The following ODAD1 variants were observed in gnomAD, a reference collection of about 807,000 sequenced individuals.
The protein encoded by ODAD1 is outer dynein arm docking complex subunit 1, also known as outer dynein arm-docking complex subunit 1.
Under a neutral mutation model 67.2 loss-of-function variants are expected in ODAD1, and 49 were observed. The observed-to-expected ratio is 0.73, with a 90% confidence interval of 0.58 to 0.92. The LOEUF is 0.92. ODAD1 is among the 40% of genes least tolerant of loss of function. The probability of loss-of-function intolerance (pLI) is 0.00; values close to 1 mark genes in which losing one functional copy is unlikely to be tolerated. For missense variants in ODAD1, 897 were observed against 953.7 expected (o/e 0.94, Z 0.78); for synonymous variants, 345 against 393.7 (o/e 0.88, Z 1.46).
intron 8 of ODAD1, among the ~76,000 whole-genome samples, chr19:48,305,408 T>TC (rs34001320): frequency 0.038 from 5,810 of 151,914 alleles, 245 homozygotes; most frequent in East Asian, 0.19. Context: ...TGCGCTTTTT[T>TC]TTTTTTTTTC....
Position 48,296,810 on chromosome 19 carries a change from T to G in ODAD1, c.*166A>C. ...AGAGAAAGGAACCGGGAGACACAGGTGAGGCGGTGATGAAGGGCAGATGAA... is the reference window on the plus strand; with the variant it reads ...AGAGAAAGGAACCGGGAGACACAGGGGAGGCGGTGATGAAGGGCAGATGAA... On this transcript the variant is annotated 3_prime_UTR_variant, in exon 16 of 16. Transcript: ENST00000674294. 4 of 1,418,854 alleles carry G rather than the reference T, an allele frequency of 2.8e-6. No homozygotes were observed. The highest frequency in any genetic ancestry group is 2.7e-6 in the Non-Finnish European group (3 of 1,092,858). The allele number at this position is 1,418,854 out of a possible 1,614,324, so 87.9% of individuals were successfully genotyped here. A position where few individuals can be genotyped will look rare whatever the true frequency, so the allele number is the denominator to read the frequency against.
At chr19:48,309,871 G>A (rs1454340213) in intron 7 of ODAD1, among the ~76,000 whole-genome samples, 1 of 152,168 alleles carries the variant, frequency 6.6e-6, no homozygotes, top group Non-Finnish European at 1.5e-5. Flanking sequence ...ATCTTGCACA[G>A]GAAGGACACA....
At chr19:48,321,433 G>A (rs1435938822) in intron 1 of ODAD1, 5 of 178,138 alleles carry the variant, frequency 2.8e-5, no homozygotes, top group Non-Finnish European at 5.9e-5. Flanking sequence ...GAACTTCGAG[G>A]GGCGGGGCTT....
chr19:48,318,854 C>A, intron 3 of ODAD1, 42 bp from the exon 4 acceptor site: 1 of 1,275,432 alleles, frequency 7.8e-7, no homozygotes, highest in Non-Finnish European at 1.1e-6. Flanking sequence ...GGGATCCTGG[C>A]CACCAGCTCC....
chr19:48,318,579 A>G lies in ODAD1; in HGVS notation c.171-3T>C. 1.3e-6 allele frequency: 2 copies of G among 1,549,690 alleles called. No individual in the cohort carries two copies. Among genetic ancestry groups the G allele is most frequent in the Non-Finnish European group, 1.7e-6 (2 of 1,145,794 alleles). On this transcript the variant is annotated splice_polypyrimidine_tract_variant and splice_region_variant and intron_variant, in intron 4 of 15. Coordinates refer to ENST00000674294, the MANE Select transcript of ODAD1 (RefSeq NM_001364171.2). ...CCTCCAAGCGCCGGATCTCCTCACT[A>G]CCCAGGCAGGGAGGTGGAAGAGGGG...
In ODAD1 at chr19:48,318,497, G is replaced by C; in HGVS notation, c.250C>G (p.Leu84Val). 1 of 1,551,634 alleles carries C rather than the reference G, an allele frequency of 6.4e-7. No homozygotes were observed. Among genetic ancestry groups the C allele is most frequent in the South Asian group, 1.2e-5 (1 of 84,060 alleles). The change falls in exon 5 of 16, where the codon CTT (leucine) becomes GTT (valine). Residue 84 changes from leucine to valine, a missense_variant. Transcript: ENST00000674294. ...TTCTCCAGCCGCTGACTGTCCCGAA[G>C]CCGCTTGACCTGGTTCTGGGCTGCG... is the stretch of plus-strand genomic sequence containing the variant. The part of the protein sequence containing the change: ...ISAAQNQVKR[L>V]RDSQRLENMD...
intron 5 of ODAD1, among the ~76,000 whole-genome samples, chr19:48,315,885 A>G (rs1278063928): frequency 6.6e-6 from 1 of 152,198 alleles, no homozygotes; most frequent in Non-Finnish European, 1.5e-5. Flanking sequence ...TTCCATGTAT[A>G]GACCACAATT....
At chr19:48,315,724 C>A (rs1483522418) in intron 5 of ODAD1, among the ~76,000 whole-genome samples, 1 of 152,014 alleles carries the variant, frequency 6.6e-6, no homozygotes, top group Middle Eastern at 3.2e-3. Context: ...GTTTGATTTT[C>A]TAGAATTTTA....
rs1163856232 is a variant in ODAD1 at position 48,302,703 on chromosome 19, G to A, written c.1231C>T (p.Leu411Phe). ...GCCCATGGGTGCTCACCAGCCTTGA[G>A]CTTCTCCAGCTGTCCCCGCACATCC... ...FQDVRGQLEK[L>F]KADIQLLFTK... The change falls in exon 12 of 16, where the codon CTC (leucine) becomes TTC (phenylalanine). Residue 411 changes from leucine to phenylalanine, a missense_variant. By Grantham distance (22) the Leu-to-Phe change is conservative. Coordinates refer to ENST00000674294, the MANE Select transcript of ODAD1 (RefSeq NM_001364171.2). 2.5e-6 allele frequency: 4 copies of A among 1,610,216 alleles called. No individual in the cohort carries two copies. Among genetic ancestry groups the A allele is most frequent in the South Asian group, 1.1e-5 (1 of 91,068 alleles).
Position 48,304,077 on chromosome 19 carries a change from G to C in ODAD1, c.729C>G (p.Ser243Arg). Residue 243 changes from serine (S) to arginine (R), a missense_variant, in exon 9 of 16, where the codon AGC (serine) becomes AGG (arginine). Coordinates refer to ENST00000674294, the MANE Select transcript of ODAD1 (RefSeq NM_001364171.2). The part of the protein sequence containing the change: ...RERAEKEEAQ[S>R]EMEAQVLQRQ... ...GCTGCAGGACCTGCGCCTCCATCTC[G>C]CTCTGGGCCTCCTCTTTCTCCGCGC... 1 of 1,614,066 alleles carries C rather than the reference G, an allele frequency of 6.2e-7. No homozygotes were observed. Among genetic ancestry groups the C allele is most frequent in the Non-Finnish European group, 8.5e-7 (1 of 1,179,972 alleles).
At chr19:48,305,392 G>A (rs1167685047) in intron 8 of ODAD1, among the ~76,000 whole-genome samples, 1 of 151,054 alleles carries the variant, frequency 6.6e-6, no homozygotes, top group African/African-American at 2.4e-5. Flanking sequence ...CTATATATGT[G>A]CTAGATGCGC....
chr19:48,317,174 C>T (rs1968921906), intron 5 of ODAD1, among the ~76,000 whole-genome samples: 1 of 151,564 alleles, frequency 6.6e-6, no homozygotes, highest in Admixed American at 6.6e-5. Context: ...GAAGGCTAGA[C>T]CAGAATTTAG....
chr19:48,319,512 A>G, intron 3 of ODAD1: 1 of 817,674 alleles, frequency 1.2e-6, no homozygotes, highest in Non-Finnish European at 1.5e-6. Flanking sequence ...GCCTTCCAAA[A>G]ACATTTGGCA....
intron 5 of ODAD1, among the ~76,000 whole-genome samples, chr19:48,313,447 CCAAAAAAAA>C (rs1569010187): frequency 5.4e-5 from 4 of 74,516 alleles, no homozygotes; most frequent in Admixed American, 1.1e-4. Context: ...AAAAAAAAAA[CCAAAAAAAA>C]ACCTCACATG....
Position 48,297,259 on chromosome 19 carries a change from G to A in ODAD1, c.1841C>T (p.Thr614Met), listed in dbSNP as rs372889077. ...SSTGHLPSHI[T>M]HGDPNTGHVT... ...GTGGCCAGTGTTGGGGTCACCGTGC[G>A]TGATGTGGCTGGGCAAATGCCCAGT... The change falls in exon 16 of 16, where the codon ACG (threonine) becomes ATG (methionine). Residue 614 changes from threonine (T) to methionine (M), a missense_variant. By Grantham distance (81) the Thr-to-Met change is moderately conservative. Transcript: ENST00000674294. The A allele has an allele frequency of 9.9e-6, 16 of 1,614,088 alleles. No homozygotes were observed. The highest frequency in any genetic ancestry group is 5.0e-5 in the Admixed American group (3 of 60,028).
intron 5 of ODAD1, 85 bp from the exon 6 acceptor site, chr19:48,312,201 T>A: frequency 1.0e-6 from 1 of 1,004,350 alleles, no homozygotes; most frequent in South Asian, 1.5e-5. Flanking sequence ...TCACTAAGCA[T>A]GGCAAACATC....
At chr19:48,298,952 A>T (rs1445713360) in intron 12 of ODAD1, among the ~76,000 whole-genome samples, 1 of 152,160 alleles carries the variant, frequency 6.6e-6, no homozygotes, top group Non-Finnish European at 1.5e-5. Context: ...GTATGCCCCG[A>T]GGAGGCTCTC....
Position 48,318,513 on chromosome 19 carries a change from C to T in ODAD1, c.234G>A (p.Gln78=), listed in dbSNP as rs1968960625. Reference sequence around the variant, plus strand: ...TGTCCCGAAGCCGCTTGACCTGGTTCTGGGCTGCGCTGATCTGCACCTGGA... The same window carrying T: ...TGTCCCGAAGCCGCTTGACCTGGTTTTGGGCTGCGCTGATCTGCACCTGGA... ...GDLQVQISAA[Q]NQVKRLRDSQ... The change falls in exon 5 of 16, where the codon CAG becomes CAA. Residue 78 remains glutamine, a synonymous_variant. Coordinates refer to ENST00000674294, the MANE Select transcript of ODAD1 (RefSeq NM_001364171.2). The T allele has an allele frequency of 6.4e-7, 1 of 1,551,554 alleles. No individual in the cohort carries two copies. The highest frequency in any genetic ancestry group is 8.7e-7 in the Non-Finnish European group (1 of 1,146,992).
intron 5 of ODAD1, among the ~76,000 whole-genome samples, chr19:48,316,714 C>T (rs1027064164): frequency 2.0e-5 from 3 of 151,912 alleles, no homozygotes; most frequent in African/African-American, 7.3e-5. Context: ...AAAGGGGTTC[C>T]GAGCCAGGCA....
Sources: gnomAD v4.1 joint callset for allele counts (sites outside exome capture counted in the v4.1 genomes callset) on GRCh38, gnomAD v4.1.1 for gene constraint, MANE v1.5 for transcripts, NCBI Gene and HGNC (gene_info 2026-07-23, HGNC 2026-07-21) for gene names.